ACVR2B: variants seen among roughly 807,000 people sequenced by gnomAD.
ACVR2B encodes activin receptor type-2B.
Under a neutral mutation model 65.1 loss-of-function variants are expected in ACVR2B, and 18 were observed. The observed-to-expected ratio is 0.28, with a 90% CI of 0.19 to 0.41. The LOEUF (loss-of-function observed/expected upper bound fraction) is 0.41, where lower values mean the gene tolerates loss of function less well. Among genes scored for constraint, ACVR2B ranks in the 10% least tolerant of loss-of-function variants. The pLI is 1.00. For missense variants in ACVR2B, 482 were observed against 682.7 expected (o/e 0.71, Z 3.28); for synonymous variants, 298 against 277.7 (o/e 1.07, Z -0.73).
At chr3:38,472,102 C>G (rs1018149904) in intron 1 of ACVR2B, among the ~76,000 whole-genome samples, 1 of 152,180 alleles carries the variant, frequency 6.6e-6, no homozygotes, top group African/African-American at 2.4e-5. Flanking sequence ...GTGTCAGTGT[C>G]TTTATCTGTT....
At chr3:38,469,110 T>A (rs1709779595) in intron 1 of ACVR2B, among the ~76,000 whole-genome samples, 1 of 152,224 alleles carries the variant, frequency 6.6e-6, no homozygotes, top group African/African-American at 2.4e-5. Context: ...AAGGTGCTCC[T>A]GTATTTACAT....
Position 38,454,294 on chromosome 3 carries a change from C to T in ACVR2B, c.-29C>T. 8.0e-7 allele frequency: 1 copy of T among 1,256,812 alleles called. No homozygotes were observed. The highest frequency in any genetic ancestry group is 1.0e-6 in the Non-Finnish European group (1 of 1,002,806). The allele number at this position is 1,256,812 out of a possible 1,614,324, so 77.9% of individuals were successfully genotyped here. A position where few individuals can be genotyped will look rare whatever the true frequency, so the allele number is the denominator to read the frequency against. On this transcript the variant is annotated 5_prime_UTR_variant, in exon 1 of 11. Coordinates refer to ENST00000352511, the MANE Select transcript of ACVR2B (RefSeq NM_001106.4). ...GCCGTGCGGCCCTGCCCGCGGGCTC[C>T]GGGTGTGCGCGGGGCGGCGCCGCGG...
Position 38,478,220 on chromosome 3 carries a change from C to G in ACVR2B, c.450C>G (p.Ser150=), listed in dbSNP as rs1425273847. 2 of 1,614,156 alleles carry G rather than the reference C, an allele frequency of 1.2e-6. No individual in the cohort carries two copies. The highest frequency in any genetic ancestry group is 3.3e-5 in the Admixed American group (2 of 60,018). ...CACTGCTGCCCATCGGGGGCCTTTCCCTCATCGTCCTGCTGGCCTTTTGGA... is the reference window on the plus strand; with the variant it reads ...CACTGCTGCCCATCGGGGGCCTTTCGCTCATCGTCCTGCTGGCCTTTTGGA... ...AYSLLPIGGL[S]LIVLLAFWMY... The change falls in exon 4 of 11, where the codon TCC becomes TCG. Residue 150 remains serine, a synonymous_variant. Transcript: ENST00000352511.
At chr3:38,463,836 G>C (rs1477267433) in intron 1 of ACVR2B, among the ~76,000 whole-genome samples, 1 of 152,086 alleles carries the variant, frequency 6.6e-6, no homozygotes, top group African/African-American at 2.4e-5. Context: ...TACAATTCTG[G>C]GGACTGGAAG....
chr3:38,459,959 CTCTG>C (rs1357645775), intron 1 of ACVR2B, among the ~76,000 whole-genome samples: 1 of 152,192 alleles, frequency 6.6e-6, no homozygotes, highest in East Asian at 1.9e-4. Context: ...TTCTGTGGGA[CTCTG>C]TCTGTCTCAT....
At chr3:38,470,987 CTAAT>C (rs1211068354) in intron 1 of ACVR2B, among the ~76,000 whole-genome samples, 4 of 151,990 alleles carry the variant, frequency 2.6e-5, no homozygotes, top group Non-Finnish European at 5.9e-5. Context: ...AGACCGAACT[CTAAT>C]TAAAAGATGG....
intron 5 of ACVR2B, 53 bp downstream of exon 5, chr3:38,478,571 C>T: frequency 6.2e-7 from 1 of 1,612,372 alleles, no homozygotes; most frequent in Non-Finnish European, 8.5e-7. Flanking sequence ...GTAGCTTGAA[C>T]TGGAGGCTCT....
In ACVR2B at chr3:38,489,422, G is replaced by T. The variant is rs546651942; in HGVS notation, c.*6090G>T. On this transcript the variant is annotated 3_prime_UTR_variant, in exon 11 of 11. Coordinates refer to ENST00000352511, the MANE Select transcript of ACVR2B (RefSeq NM_001106.4). ...AGAAACGTACACTGGAGCATGAGTG[G>T]TGTGGAACTTTTACTTAGTGTTTAT... 3 of 152,704 alleles carry T rather than the reference G, an allele frequency of 2.0e-5. No individual in the cohort carries two copies. The highest frequency in any genetic ancestry group is 7.2e-5 in the African/African-American group (3 of 41,546). 9.5% of individuals were successfully genotyped at this position (152,704 alleles called of 1,614,324 possible).
chr3:38,459,466 G>A (rs1470168970), intron 1 of ACVR2B: 1 of 356,816 alleles, frequency 2.8e-6, no homozygotes, highest in Admixed American at 6.5e-5. Flanking sequence ...CCTGTTGCTG[G>A]GGACTCTCTG....
At position 38,488,982 on chromosome 3, in the gene ACVR2B, A is replaced by G. The variant is rs1710167902; in HGVS notation, c.*5650A>G. On this transcript the variant is annotated 3_prime_UTR_variant, in exon 11 of 11. Coordinates refer to ENST00000352511, the MANE Select transcript of ACVR2B (RefSeq NM_001106.4). Reference sequence around the variant, plus strand: ...AACCTGGGCTATGCTGGACATCTACAGAAGAGTATTACATTCACTTGCAAA... The same window carrying G: ...AACCTGGGCTATGCTGGACATCTACGGAAGAGTATTACATTCACTTGCAAA... 6.6e-6 allele frequency: 1 copy of G among 152,256 alleles called. No individual in the cohort carries two copies. The highest frequency in any genetic ancestry group is 1.5e-5 in the Non-Finnish European group (1 of 68,050). 9.4% of individuals were successfully genotyped at this position (152,256 alleles called of 1,614,324 possible).
Position 38,454,270 on chromosome 3 carries a change from C to A in ACVR2B, c.-53C>A. The stretch of plus-strand genomic sequence containing the variant: ...CCTGGCCCTGCGCGCCCCGGGAGCG[C>A]CGTGCGGCCCTGCCCGCGGGCTCCG... On this transcript the variant is annotated 5_prime_UTR_variant, in exon 1 of 11. Transcript: ENST00000352511. 1 of 1,205,296 alleles carries A rather than the reference C, an allele frequency of 8.3e-7. No individual in the cohort carries two copies. Among genetic ancestry groups the A allele is most frequent in the Non-Finnish European group, 1.0e-6 (1 of 971,412 alleles). The allele number at this position is 1,205,296 out of a possible 1,614,324, so 74.7% of individuals were successfully genotyped here. A position where few individuals can be genotyped will look rare whatever the true frequency, so the allele number is the denominator to read the frequency against.
Position 38,478,452 on chromosome 3 carries a change from C to T in ACVR2B, c.600C>T (p.Arg200=), listed in dbSNP as rs1709953740. 1 of 1,614,164 alleles carries T rather than the reference C, an allele frequency of 6.2e-7. No homozygotes were observed. Among genetic ancestry groups the T allele is most frequent in the Non-Finnish European group, 8.5e-7 (1 of 1,180,026 alleles). The part of the protein sequence containing the change: ...LQLLEIKARG[R]FGCVWKAQLM... ...TGCTGGAGATCAAGGCTCGGGGGCG[C>T]TTTGGCTGTGTCTGGAAGGCCCAGC... Residue 200 remains arginine, a synonymous_variant, in exon 5 of 11, where the codon CGC becomes CGT. Transcript: ENST00000352511.
chr3:38,478,016 GCTT>G (rs757870376), intron 3 of ACVR2B, 46 bp downstream of exon 3: 40 of 1,607,514 alleles, frequency 2.5e-5, no homozygotes, highest in African/African-American at 4.0e-5. Flanking sequence ...GCCGACCTGG[GCTT>G]CTTTGGCTTG....
intron 1 of ACVR2B, among the ~76,000 whole-genome samples, chr3:38,462,881 C>T (rs1057120694): frequency 2.0e-5 from 3 of 152,102 alleles, no homozygotes; most frequent in Non-Finnish European, 2.9e-5. Context: ...TTTTTTGAGG[C>T]TACCCAAGTG....
intron 1 of ACVR2B, among the ~76,000 whole-genome samples, chr3:38,460,452 A>G (rs899912762): frequency 6.6e-6 from 1 of 152,192 alleles, no homozygotes; most frequent in Non-Finnish European, 1.5e-5. Context: ...AAATCAATGG[A>G]TAAAGCAGGC....
chr3:38,469,259 G>A (rs1294755333), intron 1 of ACVR2B, among the ~76,000 whole-genome samples: 2 of 152,172 alleles, frequency 1.3e-5, no homozygotes, highest in South Asian at 2.1e-4. Flanking sequence ...AAACAAGAAG[G>A]AGCTGGAAAC....
rs1709496750 is a variant in ACVR2B, at chr3:38,454,040, C to A, written c.-283C>A. 7.1e-6 allele frequency: 1 copy of A among 141,218 alleles called. No individual in the cohort carries two copies. The highest frequency in any genetic ancestry group is 2.0e-4 in the South Asian group (1 of 4,934). 8.7% of individuals were successfully genotyped at this position (141,218 alleles called of 1,614,324 possible). A position where few individuals can be genotyped will look rare whatever the true frequency, so the allele number is the denominator to read the frequency against. ...CCCGCCGCGCTATGCCTGAGTCGGG[C>A]GCGCCCCGGCCCGTGCCCCGCCGCC... On this transcript the variant is annotated 5_prime_UTR_variant, in exon 1 of 11. Coordinates refer to ENST00000352511, the MANE Select transcript of ACVR2B (RefSeq NM_001106.4).
At position 38,477,129 on chromosome 3, in the gene ACVR2B, G is replaced by A; in HGVS notation, c.53-158G>A. ...TAAATTAAGAGGTGTGGGACGGATG[G>A]GTGGCCTACGTCCAGGGGTGAGTGC... is the stretch of plus-strand genomic sequence containing the variant. On this transcript the variant is annotated intron_variant, in intron 1 of 10. Coordinates refer to ENST00000352511, the MANE Select transcript of ACVR2B (RefSeq NM_001106.4). The surrounding 1 kb of genome is among the most constrained non-coding windows in gnomAD (Gnocchi z 6.7). 1.4e-6 allele frequency: 1 copy of A among 714,834 alleles called. No individual in the cohort carries two copies. Among genetic ancestry groups the A allele is most frequent in the Non-Finnish European group, 2.4e-6 (1 of 422,368 alleles). The allele number at this position is 714,834 out of a possible 1,614,324, so 44.3% of individuals were successfully genotyped here.
intron 10 of ACVR2B, 146 bp downstream of exon 10, chr3:38,482,706 A>T (rs185146238): frequency 1.7e-6 from 2 of 1,202,686 alleles, no homozygotes; most frequent in East Asian, 5.1e-5. Context: ...TCCAGGGGTT[A>T]TGGGGAGTGA....
Sources: allele counts gnomAD v4.1 joint callset (sites outside exome capture counted in the v4.1 genomes callset), GRCh38; gene constraint gnomAD v4.1.1; non-coding constraint Gnocchi (gnomAD v3.1); transcripts MANE v1.5; gene names NCBI Gene and HGNC (gene_info 2026-07-23, HGNC 2026-07-21).